CPZ: variants seen among roughly 807,000 people sequenced by gnomAD.
CPZ encodes the protein carboxypeptidase Z, also known as VEZT/CPZ fusion.
In CPZ, 103 loss-of-function variants were observed where a neutral mutation model predicts 61.8. The ratio of observed to expected loss-of-function variants is 1.67; its 90% CI spans 1.42 to 1.96. The LOEUF (loss-of-function observed/expected upper bound fraction) is 1.96, where lower values mean the gene tolerates loss of function less well. Ranked by LOEUF, CPZ falls within the 30% of genes most tolerant of loss-of-function variation. CPZ has a pLI of 0.00. For synonymous variants in CPZ, 551 were observed against 373.7 expected, an observed-to-expected ratio of 1.47 and a Z score of -5.47; for missense variants, 1,461 against 914.9, an observed-to-expected ratio of 1.60 and a Z score of -7.70.
chr4:8,595,992 A>G (rs994446037), intron 1 of CPZ, among the ~76,000 whole-genome samples: 1 of 147,392 alleles, frequency 6.8e-6, no homozygotes, highest in Non-Finnish European at 1.5e-5. Context: ...GAGCCTTGAC[A>G]GGGAGTGCGG....
At position 8,612,142 on chromosome 4, in the gene CPZ, A is replaced by T; in HGVS notation, c.1343A>T (p.Asp448Val). 5 of 1,470,048 alleles carry T rather than the reference A, an allele frequency of 3.4e-6. No individual in the cohort carries two copies. Among genetic ancestry groups the T allele is most frequent in the Non-Finnish European group, 4.6e-6 (5 of 1,092,764 alleles). The allele number at this position is 1,470,048 out of a possible 1,614,324, so 91.1% of individuals were successfully genotyped here. A position where few individuals can be genotyped will look rare whatever the true frequency, so the allele number is the denominator to read the frequency against. The change falls in exon 8 of 11, where the codon GAC becomes GTC. Residue 448 changes from aspartate to valine, a missense_variant. Asp to Val is a radical substitution (Grantham distance 152, BLOSUM62 -3). Coordinates refer to ENST00000360986, the MANE Select transcript of CPZ (RefSeq NM_001014447.3). Reference sequence around the variant, plus strand: ...AGGGGGAGCATCATCAACGGGGCGGACTGGTACAGCTTCACGGGAGGTGCG... The same window carrying T: ...AGGGGGAGCATCATCAACGGGGCGGTCTGGTACAGCTTCACGGGAGGTGCG... Reference protein sequence around the residue: ...LKRGSIINGADWYSFTGGMSD... With the variant: ...LKRGSIINGAVWYSFTGGMSD...
intron 6 of CPZ, 123 bp downstream of exon 6, chr4:8,607,021 A>G: frequency 1.7e-6 from 2 of 1,210,586 alleles, no homozygotes; most frequent in Non-Finnish European, 2.3e-6. Context: ...TCCCTGCCTC[A>G]GTTACCTGTC....
intron 7 of CPZ, chr4:8,611,034 T>G (rs1011469896): frequency 3.0e-6 from 1 of 331,284 alleles, no homozygotes; most frequent in Non-Finnish European, 6.0e-6. Flanking sequence ...TCCCTCACTC[T>G]TTCACTTGCT....
intron 6 of CPZ, 80 bp downstream of exon 6, chr4:8,606,978 C>G: frequency 6.8e-7 from 1 of 1,475,556 alleles, no homozygotes; most frequent in Non-Finnish European, 9.1e-7. Context: ...CTGGAGTTGT[C>G]CTTCCCTGGG....
At chr4:8,609,426 C>CTCAT (rs746966233) in intron 7 of CPZ, among the ~76,000 whole-genome samples, 1 of 143,404 alleles carries the variant, frequency 7.0e-6, no homozygotes, top group Non-Finnish European at 1.5e-5. Context: ...CCTTCCCTCA[C>CTCAT]TCATTCATTC....
intron 8 of CPZ, among the ~76,000 whole-genome samples, chr4:8,613,225 G>A (rs932605817): frequency 7.3e-5 from 11 of 150,134 alleles, no homozygotes; most frequent in Non-Finnish European, 1.6e-4. Flanking sequence ...TCTGCCTCCC[G>A]GGTTCAAGCG....
rs1271674992 is a variant in CPZ at position 8,604,044 on chromosome 4, T to C, written c.565T>C (p.Ser189Pro). 2 of 1,612,002 alleles carry C rather than the reference T, an allele frequency of 1.2e-6. No individual in the cohort carries two copies. The highest frequency in any genetic ancestry group is 2.7e-5 in the African/African-American group (2 of 74,938). The change falls in exon 4 of 11, where the codon TCC becomes CCC. Residue 189 changes from serine (S) to proline (P), a missense_variant. Physicochemically the swap from Ser to Pro is moderately conservative, Grantham distance 74. Transcript: ENST00000360986. ...CACCTTCATCCGCTTCAGCCACCACTCCTACGCCCAGATGGTGCGTGTGCT... is the reference window on the plus strand; with the variant it reads ...CACCTTCATCCGCTTCAGCCACCACCCCTACGCCCAGATGGTGCGTGTGCT... ...PPTFIRFSHH[S>P]YAQMVRVLRR...
In CPZ at chr4:8,614,346, C is replaced by A; in HGVS notation, c.1364-13C>A. ...CTGACACCCCTGACGTCCCCGCTGTCTCTGTGCCACAGGCATGTCCGATTT... is the reference window on the plus strand; with the variant it reads ...CTGACACCCCTGACGTCCCCGCTGTATCTGTGCCACAGGCATGTCCGATTT... On this transcript the variant is annotated splice_polypyrimidine_tract_variant and intron_variant, in intron 8 of 10. Coordinates refer to ENST00000360986, the MANE Select transcript of CPZ (RefSeq NM_001014447.3). 11 of 1,610,874 alleles carry A rather than the reference C, an allele frequency of 6.8e-6. No individual in the cohort carries two copies. The highest frequency in any genetic ancestry group is 9.3e-6 in the Non-Finnish European group (11 of 1,178,556).
chr4:8,614,111 C>T (rs1715948949), intron 8 of CPZ, among the ~76,000 whole-genome samples: 1 of 152,242 alleles, frequency 6.6e-6, no homozygotes, highest in Non-Finnish European at 1.5e-5. Context: ...TGCGGATCTG[C>T]AAAGTGGGGA....
intron 7 of CPZ, among the ~76,000 whole-genome samples, chr4:8,609,348 C>T (rs965363848): frequency 6.7e-6 from 1 of 149,658 alleles, no homozygotes; most frequent in Admixed American, 6.6e-5. Flanking sequence ...CACTCATTCT[C>T]TCATTCATTC....
intron 9 of CPZ, among the ~76,000 whole-genome samples, chr4:8,615,974 TGAGCTCTC>T (rs1716127250): frequency 6.6e-6 from 1 of 152,242 alleles, no homozygotes; most frequent in Non-Finnish European, 1.5e-5. Flanking sequence ...CATTCTTCTA[TGAGCTCTC>T]GCGCCAGGCC....
intron 7 of CPZ, 36 bp downstream of exon 7, chr4:8,607,461 A>T: frequency 6.2e-7 from 1 of 1,606,124 alleles, no homozygotes; most frequent in Non-Finnish European, 8.5e-7. Context: ...GGGGAGGGAG[A>T]CAGTGTGCGC....
At chr4:8,606,300 G>C in intron 5 of CPZ, 115 bp downstream of exon 5, 1 of 1,052,984 alleles carries the variant, frequency 9.5e-7, no homozygotes, top group Non-Finnish European at 1.3e-6. Context: ...TAGGAGAGGA[G>C]CATTCAGCAG....
intron 4 of CPZ, among the ~76,000 whole-genome samples, chr4:8,604,921 C>G (rs917594151): frequency 6.6e-6 from 1 of 152,236 alleles, no homozygotes; most frequent in Non-Finnish European, 1.5e-5. Flanking sequence ...CCCAAAGGCT[C>G]TATCTCTTAC....
rs61734020 is a variant in CPZ at position 8,619,445 on chromosome 4, G to T, written c.1787G>T (p.Arg596Leu). ...MGPKNFIHGLRRTGPHDPLGG... is the reference protein window; with the variant it reads ...MGPKNFIHGLLRTGPHDPLGG... ...CCCAAGAACTTTATTCATGGGCTGCGGAGGACTGGGCCCCACGACCCACTG... is the reference window on the plus strand; with the variant it reads ...CCCAAGAACTTTATTCATGGGCTGCTGAGGACTGGGCCCCACGACCCACTG... The change falls in exon 11 of 11, where the codon CGG becomes CTG. Residue 596 changes from arginine to leucine, a missense_variant. Physicochemically the swap from Arg to Leu is moderately radical, Grantham distance 102. Transcript: ENST00000360986. 1 of 1,613,496 alleles carries T rather than the reference G, an allele frequency of 6.2e-7. No homozygotes were observed. Among genetic ancestry groups the T allele is most frequent in the African/African-American group, 1.3e-5 (1 of 74,924 alleles).
intron 9 of CPZ, chr4:8,617,950 G>C (rs1478288224): frequency 3.6e-5 from 6 of 167,108 alleles, no homozygotes; most frequent in Non-Finnish European, 6.6e-5. Flanking sequence ...TAAGAAGGCA[G>C]GGCGTGTTAT....
intron 9 of CPZ, chr4:8,618,226 T>C (rs537669644): frequency 1.0e-5 from 6 of 590,116 alleles, no homozygotes; most frequent in Non-Finnish European, 1.5e-5. Flanking sequence ...CTCGGGTCAA[T>C]TGCCAGGGAG....
chr4:8,600,658 A>G (rs1386534327), intron 2 of CPZ, among the ~76,000 whole-genome samples: 1 of 152,200 alleles, frequency 6.6e-6, no homozygotes, highest in African/African-American at 2.4e-5. Flanking sequence ...CGCATCTGTC[A>G]TTATCCACTT....
intron 7 of CPZ, among the ~76,000 whole-genome samples, chr4:8,608,276 G>A (rs546738032): frequency 1.3e-5 from 2 of 151,938 alleles, no homozygotes; most frequent in Non-Finnish European, 2.9e-5. Flanking sequence ...CCCAGGCTTC[G>A]CGTGGAGAGC....
Sources: gnomAD v4.1 joint callset for allele counts (sites outside exome capture counted in the v4.1 genomes callset) on GRCh38, gnomAD v4.1.1 for gene constraint, MANE v1.5 for transcripts, NCBI Gene and HGNC (gene_info 2026-07-23, HGNC 2026-07-21) for gene names.